EPCAM: variants seen among roughly 807,000 people sequenced by gnomAD.
EPCAM encodes the protein epithelial cell adhesion molecule.
A neutral mutation model predicts 40.0 loss-of-function variants in EPCAM; 39 were observed. The ratio of observed to expected loss-of-function variants is 0.98; its 90% confidence interval spans 0.76 to 1.27. The LOEUF is 1.27. Ranked by LOEUF, EPCAM falls within the 50% of genes most tolerant of loss-of-function variation. The pLI, the probability that EPCAM is intolerant of heterozygous loss-of-function variation, is 0.00. For missense variants in EPCAM, 503 were observed against 381.2 expected, an observed-to-expected ratio of 1.32 and a Z score of -2.66; for synonymous variants, 168 against 132.3, an observed-to-expected ratio of 1.27 and a Z score of -1.85.
chr2:47,373,404 T>C (rs1671332528), intron 1 of EPCAM, 59 bp from the exon 2 acceptor site: 2 of 1,037,284 alleles, frequency 1.9e-6, no homozygotes, highest in Admixed American at 1.9e-5. Flanking sequence ...ATAACTTAGC[T>C]GGGACATGAG....
chr2:47,376,689 A>G (rs539805665), intron 4 of EPCAM, among the ~76,000 whole-genome samples: 1 of 152,354 alleles, frequency 6.6e-6, no homozygotes, highest in Admixed American at 6.5e-5. Context: ...TTACTAGTAA[A>G]GTAAACTTTG....
chr2:47,377,891 A>C (rs1170262780), intron 5 of EPCAM: 2 of 346,656 alleles, frequency 5.8e-6, no homozygotes, highest in South Asian at 2.1e-5. Flanking sequence ...AGGTAGTATG[A>C]ATTTATTCAA....
intron 4 of EPCAM, among the ~76,000 whole-genome samples, chr2:47,375,979 C>T (rs113757120): frequency 8.7e-4 from 133 of 152,230 alleles, no homozygotes; most frequent in African/African-American, 3.1e-3. Context: ...GCTGCAATTA[C>T]AGGTGTGAGC....
At chr2:47,385,258 C>T (rs745427999) in intron 8 of EPCAM, 48 bp downstream of exon 8, 7 of 1,406,478 alleles carry the variant, frequency 5.0e-6, no homozygotes, top group East Asian at 2.3e-5. Context: ...GAATCTCTTA[C>T]TCCTAATCAC....
intron 7 of EPCAM, among the ~76,000 whole-genome samples, chr2:47,381,179 C>T (rs1671579068): frequency 2.0e-5 from 3 of 149,042 alleles, no homozygotes; most frequent in Non-Finnish European, 4.5e-5. Flanking sequence ...GGTGGATCAC[C>T]CGAGGTCGGG....
intron 1 of EPCAM, among the ~76,000 whole-genome samples, chr2:47,372,111 CT>C (rs1355299306): frequency 3.9e-5 from 6 of 152,168 alleles, no homozygotes. Context: ...CTTAGTATCA[CT>C]TTCCTTATCA....
In EPCAM at chr2:47,371,700, T is replaced by C. The variant is rs372206213; in HGVS notation, c.77-1763T>C. On this transcript the variant is annotated intron_variant, in intron 1 of 8. Coordinates refer to ENST00000263735, the MANE Select transcript of EPCAM (RefSeq NM_002354.3). ...ATTTAAATTTTACGCCCCTTAGGTA[T>C]GAACAGTGTGTTTTAAACAAGTACA... 2.0e-5 allele frequency among the ~76,000 whole-genome samples: 3 copies of C among 152,350 alleles called. No individual in the cohort carries two copies. In the East Asian group the frequency reaches 5.8e-4, roughly 29 times the overall value.
intron 7 of EPCAM, among the ~76,000 whole-genome samples, chr2:47,380,896 C>G (rs1203291913): frequency 1.3e-5 from 2 of 151,678 alleles, no homozygotes; most frequent in Non-Finnish European, 2.9e-5. Flanking sequence ...CGAGACCAGC[C>G]TGGCCAACAT....
At chr2:47,383,636 T>C (rs1573404252) in intron 7 of EPCAM, among the ~76,000 whole-genome samples, 3 of 94,068 alleles carry the variant, frequency 3.2e-5, no homozygotes, top group Admixed American at 1.2e-4. Context: ...TTTTTTTTTT[T>C]TTTTTTTTTT....
At chr2:47,383,305 G>GGAAAAAAAAAAAA (rs1305593102) in intron 7 of EPCAM, 1 of 124,046 alleles carries the variant, frequency 8.1e-6, no homozygotes, top group African/African-American at 2.9e-5. Flanking sequence ...GACTCCATCT[G>GGAAAAAAAAAAAA]AAAAAAAAAA....
rs565251408 is a variant in EPCAM, at chr2:47,375,225, A to G, written c.426-9A>G. The stretch of plus-strand genomic sequence containing the variant: ...TATAGTCAACTGACATTGTCTTTTT[A>G]CTTTATAGCTGGATCATCATTGAAC... On this transcript the variant is annotated splice_polypyrimidine_tract_variant and intron_variant, in intron 3 of 8. Transcript: ENST00000263735. 9 of 1,592,346 alleles carry G rather than the reference A, an allele frequency of 5.7e-6. No individual in the cohort carries two copies. In the South Asian group the frequency reaches 7.7e-5, roughly 14 times the overall value.
chr2:47,370,357 C>G (rs544276324), intron 1 of EPCAM, among the ~76,000 whole-genome samples: 105 of 151,124 alleles, frequency 6.9e-4, no homozygotes, highest in African/African-American at 2.1e-3. Flanking sequence ...CTGCAACTTT[C>G]GCCTCCCGGG....
At chr2:47,375,598 G>T (rs1232023651) in intron 4 of EPCAM, among the ~76,000 whole-genome samples, 1 of 152,084 alleles carries the variant, frequency 6.6e-6, no homozygotes, top group African/African-American at 2.4e-5. Flanking sequence ...ATGAGAGCAA[G>T]TTGTAGACAT....
rs1671357379 is a variant in EPCAM at position 47,374,027 on chromosome 2, G to A, written c.404G>A (p.Cys135Tyr). The A allele has an allele frequency of 1.2e-6, 2 of 1,614,184 alleles. No homozygotes were observed. The highest frequency in any genetic ancestry group is 1.7e-6 in the Non-Finnish European group (2 of 1,180,028). Residue 135 changes from cysteine (C) to tyrosine (Y), a missense_variant, in exon 3 of 9, where the codon TGC becomes TAC. Cys to Tyr is a radical substitution (Grantham distance 194). Transcript: ENST00000263735. The stretch of plus-strand genomic sequence containing the variant: ...ACAGACAAGGACACTGAAATAACCT[G>A]CTCTGAGCGAGTGAGAACCTAGTGA... ...RRTDKDTEIT[C>Y]SERVRTYWII...
At chr2:47,370,535 A>G (rs1278082697) in intron 1 of EPCAM, among the ~76,000 whole-genome samples, 2 of 150,714 alleles carry the variant, frequency 1.3e-5, no homozygotes, top group African/African-American at 4.9e-5. Context: ...TCGGCCTCCC[A>G]AAGTGCTGTG....
intron 7 of EPCAM, 33 bp from the exon 8 acceptor site, chr2:47,385,133 T>A (rs368616238): frequency 6.4e-7 from 1 of 1,558,744 alleles, no homozygotes; most frequent in African/African-American, 1.4e-5. Flanking sequence ...TGAATAGCAG[T>A]CCTAAAACAA....
Position 47,385,290 on chromosome 2 carries a change from G to A in EPCAM, c.903+80G>A, listed in dbSNP as rs1375154703. On this transcript the variant is annotated intron_variant, in intron 8 of 8. Coordinates refer to ENST00000263735, the MANE Select transcript of EPCAM (RefSeq NM_002354.3). ...TCACTCTACCTTCCTACACACTGAT[G>A]CATTTCAGTTATACTGGAGTCCCTT... 3.5e-6 allele frequency: 4 copies of A among 1,144,194 alleles called. No homozygotes were observed. The African/African-American group carries it at 4.7e-5, about 13-fold the overall frequency. 70.9% of individuals were successfully genotyped at this position (1,144,194 alleles called of 1,614,324 possible).
intron 5 of EPCAM, chr2:47,377,688 C>A (rs1345124344): frequency 1.1e-5 from 4 of 380,634 alleles, no homozygotes; most frequent in Non-Finnish European, 2.1e-5. Context: ...CCAGTAACAT[C>A]TTAAAGTAAA....
chr2:47,373,207 A>T (rs1249580371), intron 1 of EPCAM, among the ~76,000 whole-genome samples: 31 of 97,604 alleles, frequency 3.2e-4, no homozygotes, highest in African/African-American at 1.4e-3. Flanking sequence ...CCTATCTTTA[A>T]AAAAAAAAAA....
Sources: gnomAD v4.1 joint callset for allele counts (sites outside exome capture counted in the v4.1 genomes callset) on GRCh38, gnomAD v4.1.1 for gene constraint, MANE v1.5 for transcripts, NCBI Gene and HGNC (gene_info 2026-07-23, HGNC 2026-07-21) for gene names.